UVRAG: variants seen among roughly 807,000 people sequenced by gnomAD.
UVRAG encodes the protein UV radiation resistance associated.
In UVRAG, 19 loss-of-function variants were observed where a neutral mutation model predicts 78.0. The observed-to-expected ratio is 0.24, with a 90% confidence interval of 0.17 to 0.36. UVRAG has a LOEUF of 0.36. Ranked by LOEUF, UVRAG falls within the 10% of genes least tolerant of loss-of-function variation. UVRAG has a pLI of 1.00. For synonymous variants in UVRAG, 323 were observed against 324.6 expected, an observed-to-expected ratio of 1.00 and a Z score of 0.05; for missense variants, 740 against 853.8, an observed-to-expected ratio of 0.87 and a Z score of 1.66.
chr11:76,019,389 T>C (rs552321957), intron 12 of UVRAG, among the ~76,000 whole-genome samples: 15 of 152,374 alleles, frequency 9.8e-5, no homozygotes, highest in Non-Finnish European at 1.9e-4. Context: ...CTTGATGGCC[T>C]TGATGCTTGT....
chr11:76,138,636 A>G (rs903558196), intron 14 of UVRAG, among the ~76,000 whole-genome samples: 5 of 152,166 alleles, frequency 3.3e-5, no homozygotes, highest in Non-Finnish European at 4.4e-5. Flanking sequence ...ACAGCAGAGC[A>G]GGATTTCTGG....
intron 5 of UVRAG, among the ~76,000 whole-genome samples, chr11:75,903,531 G>A (rs1215449424): frequency 6.6e-6 from 1 of 152,108 alleles, no homozygotes; most frequent in African/African-American, 2.4e-5. Flanking sequence ...TCATGCTTTG[G>A]CTAAAGGTGT....
chr11:75,895,112 T>G (rs564799374), intron 5 of UVRAG, among the ~76,000 whole-genome samples: 16 of 152,362 alleles, frequency 1.1e-4, no homozygotes, highest in African/African-American at 3.6e-4. Flanking sequence ...GAGGAAAAGT[T>G]ACCCTTAGGA....
At chr11:75,816,761 A>G (rs558461940) in intron 1 of UVRAG, among the ~76,000 whole-genome samples, 1 of 152,312 alleles carries the variant, frequency 6.6e-6, no homozygotes, top group Admixed American at 6.5e-5. Context: ...ACTTTCCATC[A>G]GCTACCAGTG....
chr11:75,886,815 CA>C (rs1393619231), intron 4 of UVRAG, among the ~76,000 whole-genome samples: 1 of 151,916 alleles, frequency 6.6e-6, no homozygotes, highest in Non-Finnish European at 1.5e-5. Flanking sequence ...GTCTTTCCCC[CA>C]CTTGAACTTT....
At chr11:76,128,077 G>C (rs1031481375) in intron 14 of UVRAG, among the ~76,000 whole-genome samples, 1 of 152,196 alleles carries the variant, frequency 6.6e-6, no homozygotes, top group Non-Finnish European at 1.5e-5. Context: ...TTTTCAGTAG[G>C]CATTCATTAG....
chr11:76,037,885 C>G (rs948916866), intron 12 of UVRAG, among the ~76,000 whole-genome samples: 12 of 152,250 alleles, frequency 7.9e-5, no homozygotes, highest in African/African-American at 2.4e-4. Context: ...GTGGGCAAGA[C>G]TTGTGAATAT....
In UVRAG at chr11:75,875,645, T is replaced by C. The variant is rs370891388; in HGVS notation, c.271-4234T>C. On this transcript the variant is annotated intron_variant, in intron 3 of 14. Transcript: ENST00000356136. ...TTTTTTTTTTTTCATATTGGTCTTT[T>C]TATCTCTGCTGCATTCTGTGTAATT... 1.2e-4 allele frequency among the ~76,000 whole-genome samples: 18 copies of C among 152,160 alleles called. No individual in the cohort carries two copies. The South Asian group carries it at 3.7e-3, about 32-fold the overall frequency.
At chr11:76,053,343 A>AC (rs61533528) in intron 12 of UVRAG, among the ~76,000 whole-genome samples, 14,640 of 145,720 alleles carry the variant, frequency 0.1, 1,904 homozygotes, top group African/African-American at 0.32. Flanking sequence ...ACACACACAC[A>AC]AAAATAAATA....
chr11:76,106,593 C>T (rs1565163541), intron 13 of UVRAG, among the ~76,000 whole-genome samples: 2 of 152,112 alleles, frequency 1.3e-5, no homozygotes, highest in East Asian at 1.9e-4. Flanking sequence ...GTCTCGAACT[C>T]CTGACCTTAG....
intron 9 of UVRAG, among the ~76,000 whole-genome samples, chr11:76,004,291 C>T (rs1474497839): frequency 6.6e-6 from 1 of 152,170 alleles, no homozygotes; most frequent in African/African-American, 2.4e-5. Context: ...ATGAAAGCTC[C>T]TAGTATGTAG....
intron 6 of UVRAG, among the ~76,000 whole-genome samples, chr11:75,937,240 C>T (rs887782545): frequency 9.9e-5 from 15 of 151,986 alleles, no homozygotes; most frequent in South Asian, 2.1e-4. Flanking sequence ...TGGTGGCGGG[C>T]GCTTGTAATC....
chr11:76,140,068 TCC>T (rs1952680860), intron 14 of UVRAG, among the ~76,000 whole-genome samples: 1 of 12,996 alleles, frequency 7.7e-5, no homozygotes, highest in African/African-American at 3.5e-4. Flanking sequence ...TCTCCCTCCC[TCC>T]CTCCCTCCCT....
At chr11:76,066,565 C>T (rs938465520) in intron 13 of UVRAG, among the ~76,000 whole-genome samples, 13 of 152,026 alleles carry the variant, frequency 8.6e-5, no homozygotes, top group African/African-American at 2.7e-4. Flanking sequence ...CTCTACCTCC[C>T]GGGTTCAAGT....
At chr11:75,851,805 T>C (rs1249675716) in intron 1 of UVRAG, 78 bp from the exon 2 acceptor site, 22 of 1,110,954 alleles carry the variant, frequency 2.0e-5, no homozygotes, top group Non-Finnish European at 2.6e-5. Context: ...TTACATTTCA[T>C]TTTTGAACTG....
At chr11:75,991,149 T>A (rs950645335) in intron 8 of UVRAG, among the ~76,000 whole-genome samples, 1 of 152,212 alleles carries the variant, frequency 6.6e-6, no homozygotes, top group Non-Finnish European at 1.5e-5. Context: ...TGAAGCATTA[T>A]GATAAAGTCC....
At position 75,882,075 on chromosome 11, in the gene UVRAG, C is replaced by T. The variant is rs991421020; in HGVS notation, c.432+2035C>T. Among the ~76,000 whole-genome samples the T allele has an allele frequency of 2.0e-5, 3 of 152,146 alleles. No homozygotes were observed. The South Asian group carries it at 6.2e-4, about 32-fold the overall frequency. On this transcript the variant is annotated intron_variant, in intron 4 of 14. Transcript: ENST00000356136. ...CTATTTTGTGATGCCTATGGTACTA[C>T]TATTAAAGGTAACCATAAAATATTA...
At chr11:75,940,870 T>C (rs1948470301) in intron 6 of UVRAG, among the ~76,000 whole-genome samples, 2 of 152,166 alleles carry the variant, frequency 1.3e-5, no homozygotes, top group Non-Finnish European at 2.9e-5. Flanking sequence ...TCCTAACCAC[T>C]ACACTATGCT....
intron 2 of UVRAG, among the ~76,000 whole-genome samples, chr11:75,855,609 A>G (rs1218498963): frequency 1.3e-5 from 2 of 152,232 alleles, no homozygotes; most frequent in East Asian, 3.8e-4. Flanking sequence ...TTTGATGATC[A>G]TTGTTTGGTC....
Sources: allele counts gnomAD v4.1 joint callset (sites outside exome capture counted in the v4.1 genomes callset), GRCh38; gene constraint gnomAD v4.1.1; transcripts MANE v1.5; gene names NCBI Gene and HGNC (gene_info 2026-07-23, HGNC 2026-07-21).